Variants in GLG1 observed in about 807,000 individuals in gnomAD.
GLG1 encodes the protein golgi glycoprotein 1.
Under a neutral mutation model 160.5 loss-of-function variants are expected in GLG1, and 38 were observed. That is an observed-to-expected ratio of 0.24 (90% CI 0.18 to 0.31). The LOEUF (loss-of-function observed/expected upper bound fraction) is 0.31, where lower values mean the gene tolerates loss of function less well. Ranked by LOEUF, GLG1 falls within the 10% of genes least tolerant of loss-of-function variation. The pLI is 1.00. For synonymous variants in GLG1, 644 were observed against 543.4 expected (o/e 1.19, Z -2.57); for missense variants, 1,373 against 1,505.2 (o/e 0.91, Z 1.45).
intron 2 of GLG1, among the ~76,000 whole-genome samples, chr16:74,520,023 A>G (rs2017110756): frequency 6.6e-6 from 1 of 152,194 alleles, no homozygotes. Flanking sequence ...AGTTTGCTCT[A>G]TAGTTAAGTC....
chr16:74,497,329 G>A (rs1013770875), intron 4 of GLG1, among the ~76,000 whole-genome samples: 6 of 150,222 alleles, frequency 4.0e-5, no homozygotes, highest in Non-Finnish European at 7.4e-5. Context: ...AAACCACATC[G>A]GCTCAAAGTT....
chr16:74,597,070 G>A (rs1958322591), intron 1 of GLG1, among the ~76,000 whole-genome samples: 1 of 151,738 alleles, frequency 6.6e-6, no homozygotes. Context: ...AGTGAATCAT[G>A]ATCATGCCAC....
intron 1 of GLG1, among the ~76,000 whole-genome samples, chr16:74,559,308 T>TG (rs2018440998): frequency 6.7e-6 from 1 of 148,862 alleles, no homozygotes; most frequent in Non-Finnish European, 1.5e-5. Context: ...CTGGGCATGG[T>TG]GGTGTGCAAC....
intron 1 of GLG1, among the ~76,000 whole-genome samples, chr16:74,600,561 C>T (rs371051128): frequency 1.3e-5 from 2 of 150,670 alleles, no homozygotes; most frequent in African/African-American, 2.4e-5. Flanking sequence ...GCGAAACCCC[C>T]GTTTTACTAA....
chr16:74,455,880 C>T (rs999495352), intron 25 of GLG1, among the ~76,000 whole-genome samples: 2 of 152,176 alleles, frequency 1.3e-5, no homozygotes, highest in East Asian at 1.9e-4. Flanking sequence ...TCAGGCAATA[C>T]GTCCACCAAA....
At chr16:74,573,975 A>G (rs1436993622) in intron 1 of GLG1, among the ~76,000 whole-genome samples, 1 of 152,084 alleles carries the variant, frequency 6.6e-6, no homozygotes, top group African/African-American at 2.4e-5. Context: ...TTGTAGAGGC[A>G]TGACTTCTCC....
At chr16:74,496,957 A>T (rs1434051364) in intron 4 of GLG1, among the ~76,000 whole-genome samples, 5 of 152,146 alleles carry the variant, frequency 3.3e-5, no homozygotes, top group Non-Finnish European at 7.4e-5. Flanking sequence ...CTGAATTTTT[A>T]AAAATTTAAA....
At chr16:74,566,114 C>G (rs1440151900) in intron 1 of GLG1, among the ~76,000 whole-genome samples, 3 of 152,194 alleles carry the variant, frequency 2.0e-5, no homozygotes, top group African/African-American at 7.2e-5. Flanking sequence ...CAAAGGCATA[C>G]ATGCTACAAA....
intron 1 of GLG1, among the ~76,000 whole-genome samples, chr16:74,599,725 A>G (rs930113047): frequency 2.0e-5 from 3 of 152,060 alleles, no homozygotes; most frequent in Non-Finnish European, 2.9e-5. Context: ...TTAGCCGGGC[A>G]TGGTGGTGGG....
At chr16:74,460,432 T>G (rs1567455944) in intron 22 of GLG1, among the ~76,000 whole-genome samples, 1 of 152,126 alleles carries the variant, frequency 6.6e-6, no homozygotes, top group Non-Finnish European at 1.5e-5. Context: ...GCTGGGATTA[T>G]AGGCATGAGC....
rs186830429 is a variant in GLG1, at chr16:74,480,541, T to A, written c.1674-147A>T. 9.0e-6 allele frequency: 5 copies of A among 554,410 alleles called. No homozygotes were observed. In the Admixed American group the frequency reaches 1.7e-4, roughly 19 times the overall value. 34.3% of individuals were successfully genotyped at this position (554,410 alleles called of 1,614,324 possible). A position where few individuals can be genotyped will look rare whatever the true frequency, so the allele number is the denominator to read the frequency against. On this transcript the variant is annotated intron_variant, in intron 10 of 25. Transcript: ENST00000422840. ...AGACAGAAGATATGTAAAAGTATAT[T>A]CCTGAATTTTGTTCTTTTGTTTTTT...
At chr16:74,560,896 AAAGT>A (rs1354699106) in intron 1 of GLG1, among the ~76,000 whole-genome samples, 1 of 152,248 alleles carries the variant, frequency 6.6e-6, no homozygotes, top group Non-Finnish European at 1.5e-5. Flanking sequence ...ATATGTAAAG[AAAGT>A]AAGATATGTT....
Position 74,462,329 on chromosome 16 carries a change from A to G in GLG1, c.2935-134T>C, listed in dbSNP as rs1001897562. 3.6e-6 allele frequency: 3 copies of G among 825,318 alleles called. No individual in the cohort carries two copies. The Admixed American group carries it at 7.2e-5, about 20-fold the overall frequency. 51.1% of individuals were successfully genotyped at this position (825,318 alleles called of 1,614,324 possible). On this transcript the variant is annotated intron_variant, in intron 21 of 25. Coordinates refer to ENST00000422840, the MANE Select transcript of GLG1 (RefSeq NM_001145667.2). ...AAAACAAAAAGAACAAGAAAAAACA[A>G]AATGCCTGCTTTTGATCTGGCCCCT...
chr16:74,571,661 A>C (rs1187321144), intron 1 of GLG1, among the ~76,000 whole-genome samples: 1 of 144,234 alleles, frequency 6.9e-6, no homozygotes, highest in Non-Finnish European at 1.5e-5. Flanking sequence ...CTCAAAAAGG[A>C]AAAAAAAAAA....
At chr16:74,478,977 G>A (rs1173230801) in intron 11 of GLG1, among the ~76,000 whole-genome samples, 1 of 139,688 alleles carries the variant, frequency 7.2e-6, no homozygotes, top group Non-Finnish European at 1.5e-5. Flanking sequence ...AGGCCCAGGT[G>A]AGTGGATCAC....
At chr16:74,525,501 G>A (rs955506422) in intron 2 of GLG1, among the ~76,000 whole-genome samples, 9 of 150,296 alleles carry the variant, frequency 6.0e-5, no homozygotes, top group African/African-American at 2.2e-4. Flanking sequence ...TCCGTATGTT[G>A]CCCAGGTTGG....
At chr16:74,517,919 G>C (rs777186663) in intron 2 of GLG1, among the ~76,000 whole-genome samples, 1 of 152,022 alleles carries the variant, frequency 6.6e-6, no homozygotes, top group Non-Finnish European at 1.5e-5. Flanking sequence ...GACAAACAGA[G>C]AGCCCAATCA....
intron 1 of GLG1, among the ~76,000 whole-genome samples, chr16:74,584,043 G>A (rs115059241): frequency 0.013 from 1,906 of 152,160 alleles, 29 homozygotes; most frequent in African/African-American, 0.044. Flanking sequence ...CTGTTTTGAG[G>A]TCTCATTGTA....
At chr16:74,588,638 C>G (rs1958102757) in intron 1 of GLG1, among the ~76,000 whole-genome samples, 3 of 151,996 alleles carry the variant, frequency 2.0e-5, no homozygotes, top group Admixed American at 2.0e-4. Context: ...AGGCTGATCT[C>G]AAACTCCTAG....
Sources: allele counts gnomAD v4.1 joint callset (sites outside exome capture counted in the v4.1 genomes callset), GRCh38; gene constraint gnomAD v4.1.1; transcripts MANE v1.5; gene names NCBI Gene and HGNC (gene_info 2026-07-23, HGNC 2026-07-21).